The following NKAIN2 variants were observed in gnomAD, a reference collection of about 807,000 sequenced individuals.
NKAIN2 encodes the protein sodium/potassium transporting ATPase interacting 2.
Under a neutral mutation model 32.6 loss-of-function variants are expected in NKAIN2, and 14 were observed. The observed-to-expected ratio is 0.43, with a 90% confidence interval of 0.28 to 0.67. The LOEUF (loss-of-function observed/expected upper bound fraction) is 0.67. NKAIN2 is among the 30% of genes least tolerant of loss of function. The pLI, the probability that NKAIN2 is intolerant of heterozygous loss-of-function variation, is 0.17. For missense variants in NKAIN2, 198 were observed against 258.3 expected (o/e 0.77, Z 1.60); for synonymous variants, 80 against 87.2 (o/e 0.92, Z 0.46).
At chr6:123,900,101 A>G (rs919258081) in intron 1 of NKAIN2, among the ~76,000 whole-genome samples, 1 of 152,190 alleles carries the variant, frequency 6.6e-6, no homozygotes, top group Non-Finnish European at 1.5e-5. Flanking sequence ...CACCCGTTGT[A>G]CACCAAAGCC....
At chr6:124,376,177 C>T (rs889607102) in intron 3 of NKAIN2, among the ~76,000 whole-genome samples, 3 of 152,176 alleles carry the variant, frequency 2.0e-5, no homozygotes, top group African/African-American at 7.2e-5. Flanking sequence ...TAAAAACCCA[C>T]CCTGATAAAT....
At chr6:124,647,476 G>A (rs1248386708) in intron 3 of NKAIN2, among the ~76,000 whole-genome samples, 7 of 120,402 alleles carry the variant, frequency 5.8e-5, no homozygotes, top group African/African-American at 2.2e-4. Flanking sequence ...TCCAGCCTGG[G>A]CGACAGAGCG....
intron 1 of NKAIN2, among the ~76,000 whole-genome samples, chr6:123,808,583 A>G (rs1773320722): frequency 6.6e-6 from 1 of 152,170 alleles, no homozygotes; most frequent in African/African-American, 2.4e-5. Flanking sequence ...TTCTTCGTTC[A>G]CAAAGCAGGT....
intron 3 of NKAIN2, among the ~76,000 whole-genome samples, chr6:124,441,324 AG>A (rs1343285462): frequency 2.0e-5 from 3 of 152,116 alleles, no homozygotes; most frequent in African/African-American, 7.2e-5. Flanking sequence ...GAAATGTGGT[AG>A]TTTAAAATGT....
At chr6:124,235,486 CTT>C (rs1364130238) in intron 1 of NKAIN2, among the ~76,000 whole-genome samples, 7 of 152,056 alleles carry the variant, frequency 4.6e-5, no homozygotes, top group African/African-American at 1.7e-4. Context: ...AGGAACATAA[CTT>C]ATGACAGATG....
chr6:124,172,144 A>C (rs950426942), intron 1 of NKAIN2, among the ~76,000 whole-genome samples: 3 of 152,028 alleles, frequency 2.0e-5, no homozygotes, highest in Admixed American at 6.6e-5. Flanking sequence ...AAGTTGAACA[A>C]GTTTTTTGCA....
rs150209956 is a variant in NKAIN2, at chr6:124,450,073, C to A, written c.273+94726C>A. Among the ~76,000 whole-genome samples, 664 of 152,162 alleles carry A rather than the reference C, an allele frequency of 4.4e-3. 10 individuals carry two copies. The highest frequency in any genetic ancestry group is 0.015 in the African/African-American group (639 of 41,548). Reference sequence around the variant, plus strand: ...AAGCTAAATATAAATTTCCTTATAACTGAAGAGAAAATACGCATCTTGAAA... The same window carrying A: ...AAGCTAAATATAAATTTCCTTATAAATGAAGAGAAAATACGCATCTTGAAA... On this transcript the variant is annotated intron_variant, in intron 3 of 6. Coordinates refer to ENST00000368417, the MANE Select transcript of NKAIN2 (RefSeq NM_001040214.3).
At chr6:123,870,890 A>C (rs1328166618) in intron 1 of NKAIN2, among the ~76,000 whole-genome samples, 1 of 152,036 alleles carries the variant, frequency 6.6e-6, no homozygotes, top group African/African-American at 2.4e-5. Context: ...ATATATATAG[A>C]GTGTATATAT....
chr6:124,144,325 C>T (rs1350835520), intron 1 of NKAIN2, among the ~76,000 whole-genome samples: 2 of 152,128 alleles, frequency 1.3e-5, no homozygotes, highest in African/African-American at 4.8e-5. Context: ...AGACCAAATC[C>T]AGACCCAGTC....
chr6:123,842,628 G>A (rs989840540), intron 1 of NKAIN2, among the ~76,000 whole-genome samples: 4 of 151,828 alleles, frequency 2.6e-5, no homozygotes, highest in Admixed American at 6.6e-5. Context: ...TTCAGCAAGT[G>A]GAATCTTTGG....
intron 3 of NKAIN2, among the ~76,000 whole-genome samples, chr6:124,586,280 A>G (rs1036979950): frequency 1.3e-5 from 2 of 152,210 alleles, no homozygotes; most frequent in Non-Finnish European, 2.9e-5. Flanking sequence ...TGCAAAGCAA[A>G]TGGAACTCTC....
At chr6:124,773,011 G>A (rs1022321390) in intron 4 of NKAIN2, among the ~76,000 whole-genome samples, 1 of 7,420 alleles carries the variant, frequency 1.3e-4, no homozygotes, top group Non-Finnish European at 6.3e-3. Context: ...ATAAGTAGGT[G>A]GGAGAAAAAA....
intron 4 of NKAIN2, among the ~76,000 whole-genome samples, chr6:124,680,295 G>A (rs1479814293): frequency 6.6e-6 from 1 of 152,148 alleles, no homozygotes; most frequent in African/African-American, 2.4e-5. Flanking sequence ...AAGAGATGCT[G>A]TGGCAGTTGA....
chr6:124,157,488 A>G (rs1475228800), intron 1 of NKAIN2, among the ~76,000 whole-genome samples: 1 of 152,136 alleles, frequency 6.6e-6, no homozygotes, highest in South Asian at 2.1e-4. Flanking sequence ...AAACATGGTG[A>G]AGTTGTTTTC....
chr6:123,900,382 A>T (rs1774503423), intron 1 of NKAIN2, among the ~76,000 whole-genome samples: 2 of 151,996 alleles, frequency 1.3e-5, no homozygotes, highest in Non-Finnish European at 2.9e-5. Flanking sequence ...CTGAGGTCGG[A>T]CAATCGCTTG....
At chr6:124,388,441 G>A (rs1286399701) in intron 3 of NKAIN2, among the ~76,000 whole-genome samples, 1 of 152,010 alleles carries the variant, frequency 6.6e-6, no homozygotes, top group Admixed American at 6.6e-5. Flanking sequence ...GACTGGTAAT[G>A]CTGATGCTGC....
At chr6:123,912,129 A>G (rs1775247043) in intron 1 of NKAIN2, among the ~76,000 whole-genome samples, 1 of 151,940 alleles carries the variant, frequency 6.6e-6, no homozygotes, top group African/African-American at 2.4e-5. Flanking sequence ...ACCTTCAATT[A>G]TAATAATTAA....
intron 4 of NKAIN2, among the ~76,000 whole-genome samples, chr6:124,769,452 A>G (rs1778654153): frequency 6.6e-6 from 1 of 152,164 alleles, no homozygotes; most frequent in Non-Finnish European, 1.5e-5. Context: ...CCTATTAATG[A>G]AGAATTCAGA....
At chr6:124,344,506 A>G (rs907736741) in intron 2 of NKAIN2, among the ~76,000 whole-genome samples, 1 of 151,176 alleles carries the variant, frequency 6.6e-6, no homozygotes. Context: ...CTTTTATTTC[A>G]TTGAGCAGTG....
Sources: allele counts gnomAD v4.1 joint callset (sites outside exome capture counted in the v4.1 genomes callset), GRCh38; gene constraint gnomAD v4.1.1; transcripts MANE v1.5; gene names NCBI Gene and HGNC (gene_info 2026-07-23, HGNC 2026-07-21).